Variants in CLIC4 observed in about 807,000 individuals in gnomAD.
CLIC4 encodes the protein CLIC family member 4, also known as chloride intracellular channel protein 4.
Under a neutral mutation model 24.6 loss-of-function variants are expected in CLIC4, and 13 were observed. That is an observed-to-expected ratio of 0.53 (90% confidence interval 0.34 to 0.84). The LOEUF (loss-of-function observed/expected upper bound fraction) is 0.84. Among genes scored for constraint, CLIC4 ranks in the 40% least tolerant of loss-of-function variants. CLIC4 has a pLI of 0.01. For synonymous variants in CLIC4, 104 were observed against 111.3 expected (o/e 0.93, Z 0.41); for missense variants, 227 against 301.7 (o/e 0.75, Z 1.83).
At chr1:24,753,225 G>A (rs140184192) in intron 1 of CLIC4, among the ~76,000 whole-genome samples, 303 of 152,194 alleles carry the variant, frequency 2.0e-3, no homozygotes, top group Middle Eastern at 0.017. Flanking sequence ...ATAAAAGAAG[G>A]GCTTGGGCTA....
chr1:24,746,422 A>G (rs1270709956), intron 1 of CLIC4, among the ~76,000 whole-genome samples: 1 of 152,178 alleles, frequency 6.6e-6, no homozygotes, highest in Non-Finnish European at 1.5e-5. Context: ...TTGTGTCTTC[A>G]GCTTTCATGT....
chr1:24,787,265 C>T (rs1238322185), intron 1 of CLIC4, among the ~76,000 whole-genome samples: 5 of 151,854 alleles, frequency 3.3e-5, no homozygotes, highest in Admixed American at 1.3e-4. Flanking sequence ...GAGGCTGAGG[C>T]GGGTGGATCA....
rs369498254 is a variant in CLIC4 at position 24,745,459 on chromosome 1, A to G, written c.-95A>G. The G allele has an allele frequency of 1.7e-5, 20 of 1,155,574 alleles. No homozygotes were observed. The East Asian group carries it at 3.5e-4, about 20-fold the overall frequency. The allele number at this position is 1,155,574 out of a possible 1,614,324, so 71.6% of individuals were successfully genotyped here. On this transcript the variant is annotated 5_prime_UTR_variant, in exon 1 of 6. Coordinates refer to ENST00000374379, the MANE Select transcript of CLIC4 (RefSeq NM_013943.3). Reference sequence around the variant, plus strand: ...CTCGACGCCGGACAGTCCAGCGAGCAGCACGGCGGGAACCGGCAGCCGGAG... The same window carrying G: ...CTCGACGCCGGACAGTCCAGCGAGCGGCACGGCGGGAACCGGCAGCCGGAG...
Position 24,841,803 on chromosome 1 carries a change from G to C in CLIC4, c.*866G>C, listed in dbSNP as rs2124181421. 6.6e-6 allele frequency: 1 copy of C among 152,602 alleles called. No homozygotes were observed. The highest frequency in any genetic ancestry group is 2.1e-4 in the South Asian group (1 of 4,812). The allele number at this position is 152,602 out of a possible 1,614,324, so 9.5% of individuals were successfully genotyped here. A position where few individuals can be genotyped will look rare whatever the true frequency, so the allele number is the denominator to read the frequency against. On this transcript the variant is annotated 3_prime_UTR_variant, in exon 6 of 6. Transcript: ENST00000374379. ...TTGTTTTTACGTAATCATAGAGCTTGCTATTTGTACATCTGTTGAGCAACA... is the reference window on the plus strand; with the variant it reads ...TTGTTTTTACGTAATCATAGAGCTTCCTATTTGTACATCTGTTGAGCAACA...
At chr1:24,750,942 T>C (rs539580143) in intron 1 of CLIC4, among the ~76,000 whole-genome samples, 2 of 152,142 alleles carry the variant, frequency 1.3e-5, no homozygotes, top group Admixed American at 1.3e-4. Context: ...AGGGTGTGCA[T>C]ATGGTTCAGA....
rs796804231 is a variant in CLIC4, at chr1:24,842,480, G to A, written c.*1543G>A. 2.0e-5 allele frequency: 3 copies of A among 152,152 alleles called. No individual in the cohort carries two copies. Among genetic ancestry groups the A allele is most frequent in the African/African-American group, 7.2e-5 (3 of 41,510 alleles). The allele number at this position is 152,152 out of a possible 1,614,324, so 9.4% of individuals were successfully genotyped here. A position where few individuals can be genotyped will look rare whatever the true frequency, so the allele number is the denominator to read the frequency against. On this transcript the variant is annotated 3_prime_UTR_variant, in exon 6 of 6. Transcript: ENST00000374379. ...ATTTTAAGTTTATTGCTTTAAAATGGCAGTGTTTCTCCCACTTTGATATGC... is the reference window on the plus strand; with the variant it reads ...ATTTTAAGTTTATTGCTTTAAAATGACAGTGTTTCTCCCACTTTGATATGC...
chr1:24,745,906 G>A (rs1444886337), intron 1 of CLIC4, among the ~76,000 whole-genome samples: 3 of 151,026 alleles, frequency 2.0e-5, no homozygotes, highest in Non-Finnish European at 4.4e-5. Flanking sequence ...CGGGTGGGTC[G>A]GGAAGAGCCC....
chr1:24,751,605 G>A (rs954466895), intron 1 of CLIC4, among the ~76,000 whole-genome samples: 1 of 152,048 alleles, frequency 6.6e-6, no homozygotes, highest in African/African-American at 2.4e-5. Flanking sequence ...TTTTGTTTGG[G>A]TAAAACTAAA....
chr1:24,808,491 C>T (rs72872486), intron 2 of CLIC4, among the ~76,000 whole-genome samples: 4,280 of 151,988 alleles, frequency 0.028, 182 homozygotes, highest in African/African-American at 0.098. Context: ...ATGTTCAGTA[C>T]AACTGCAACC....
chr1:24,808,678 A>T lies in CLIC4; in HGVS notation c.183-5416A>T, dbSNP rs1281139374. ...GGAGATCTATCTATCTATCTATAAA[A>T]TTTTTTTTTTTTTTTTGAGATGGAG... On this transcript the variant is annotated intron_variant, in intron 2 of 5. Coordinates refer to ENST00000374379, the MANE Select transcript of CLIC4 (RefSeq NM_013943.3). Among the ~76,000 whole-genome samples the T allele has an allele frequency of 2.0e-4, 28 of 138,344 alleles. No individual in the cohort carries two copies. The Middle Eastern group carries it at 0.014, about 70-fold the overall frequency. The allele number at this position is 138,344 out of a possible 152,430, so 90.8% of individuals were successfully genotyped here. A position where few individuals can be genotyped will look rare whatever the true frequency, so the allele number is the denominator to read the frequency against.
chr1:24,807,121 C>A (rs370747353), intron 2 of CLIC4, among the ~76,000 whole-genome samples: 1 of 151,584 alleles, frequency 6.6e-6, no homozygotes, highest in African/African-American at 2.4e-5. Context: ...GAGAGAGAGA[C>A]CCCCATCTCT....
chr1:24,820,306 G>C (rs1018235574), intron 3 of CLIC4, among the ~76,000 whole-genome samples: 1 of 78,814 alleles, frequency 1.3e-5, no homozygotes, highest in African/African-American at 5.0e-5. Context: ...ACATGGTCTT[G>C]CTCTGTTGCC....
chr1:24,748,513 T>G (rs757616958), intron 1 of CLIC4, among the ~76,000 whole-genome samples: 3 of 145,214 alleles, frequency 2.1e-5, no homozygotes, highest in East Asian at 2.0e-4. Context: ...TTTTTTTTTT[T>G]TTTTTTTTTA....
At chr1:24,830,789 C>T (rs946566732) in intron 4 of CLIC4, among the ~76,000 whole-genome samples, 1 of 152,034 alleles carries the variant, frequency 6.6e-6, no homozygotes, top group Non-Finnish European at 1.5e-5. Flanking sequence ...TTAGGGATAC[C>T]AGCATTACTA....
At chr1:24,797,336 G>A (rs1230556666) in intron 1 of CLIC4, among the ~76,000 whole-genome samples, 2 of 151,808 alleles carry the variant, frequency 1.3e-5, no homozygotes, top group Non-Finnish European at 2.9e-5. Context: ...CACTTTAGGA[G>A]GCTGAGGCAG....
At position 24,797,754 on chromosome 1, in the gene CLIC4, G is replaced by GTTT. The variant is rs1181437699; in HGVS notation, c.85_86insTTT (p.Gly29delinsValCys). The GTTT allele has an allele frequency of 6.2e-7, 1 of 1,611,246 alleles. No individual in the cohort carries two copies. On this transcript the variant is annotated protein_altering_variant, in exon 2 of 6. Coordinates refer to ENST00000374379, the MANE Select transcript of CLIC4 (RefSeq NM_013943.3). ...TTCTGTTTTCCAGGCTGGCAGTGATGGTGAAAGCATAGGAAACTGCCCCTT... is the reference window on the plus strand; with the variant it reads ...TTCTGTTTTCCAGGCTGGCAGTGATGTTTGTGAAAGCATAGGAAACTGCCCCTT...
chr1:24,803,553 C>T (rs940953802), intron 2 of CLIC4, among the ~76,000 whole-genome samples: 3 of 152,084 alleles, frequency 2.0e-5, no homozygotes, highest in Admixed American at 6.6e-5. Context: ...GAGCAGCCTT[C>T]GTGCTTTGGT....
rs117224364 is a variant in CLIC4, at chr1:24,762,287, T to A, written c.72+16662T>A. On this transcript the variant is annotated intron_variant, in intron 1 of 5. Coordinates refer to ENST00000374379, the MANE Select transcript of CLIC4 (RefSeq NM_013943.3). ...AAAATAAAAAATCAGCTGGGCGTGA[T>A]GTCACATGCCTATAGTCCTAGCTAC... Among the ~76,000 whole-genome samples the A allele has an allele frequency of 1.5e-3, 230 of 152,224 alleles. 2 individuals are homozygous for A. In the East Asian group the frequency reaches 0.029, roughly 19 times the overall value.
intron 2 of CLIC4, among the ~76,000 whole-genome samples, chr1:24,800,497 T>C (rs1557806371): frequency 6.6e-6 from 1 of 151,018 alleles, no homozygotes; most frequent in Non-Finnish European, 1.5e-5. Flanking sequence ...GAGGGGCGCC[T>C]CTGCCCGGCC....
Sources: gnomAD v4.1 joint callset for allele counts (sites outside exome capture counted in the v4.1 genomes callset) on GRCh38, gnomAD v4.1.1 for gene constraint, MANE v1.5 for transcripts, NCBI Gene and HGNC (gene_info 2026-07-23, HGNC 2026-07-21) for gene names.